Variants in RAPGEF4 observed in about 807,000 individuals in gnomAD.
The protein encoded by RAPGEF4 is Rap guanine nucleotide exchange factor 4.
Under a neutral mutation model 147.9 loss-of-function variants are expected in RAPGEF4, and 66 were observed. The observed-to-expected ratio is 0.45, with a 90% CI of 0.37 to 0.55. The LOEUF is 0.55. RAPGEF4 is among the 20% of genes least tolerant of loss of function. RAPGEF4 has a pLI of 0.00. For synonymous variants in RAPGEF4, 419 were observed against 442.7 expected (o/e 0.95, Z 0.67); for missense variants, 1,071 against 1,257.3 (o/e 0.85, Z 2.24).
intron 18 of RAPGEF4, 110 bp downstream of exon 18, chr2:173,014,724 T>G (rs1353769016): frequency 1.9e-6 from 2 of 1,026,306 alleles, no homozygotes; most frequent in Non-Finnish European, 2.7e-6. Flanking sequence ...ATGCTAGACT[T>G]TGTGAACACA....
At chr2:172,917,693 G>A (rs1559118656) in intron 4 of RAPGEF4, 109 bp from the exon 5 acceptor site, 3 of 902,932 alleles carry the variant, frequency 3.3e-6, no homozygotes, top group Admixed American at 1.9e-5. Flanking sequence ...ATAAATACAA[G>A]GCTCAGATGC....
intron 1 of RAPGEF4, among the ~76,000 whole-genome samples, chr2:172,747,222 G>T (rs1694860117): frequency 6.6e-6 from 1 of 152,152 alleles, no homozygotes; most frequent in African/African-American, 2.4e-5. Context: ...CAATTGACAA[G>T]TAAAAATTGT....
rs369838179 is a variant in RAPGEF4 at position 172,961,179 on chromosome 2, C to G, written c.649C>G (p.Arg217Gly). Residue 217 changes from arginine to glycine, a missense_variant, in exon 8 of 31, where the codon CGA becomes GGA. Coordinates refer to ENST00000397081, the MANE Select transcript of RAPGEF4 (RefSeq NM_007023.4). ...AATTTTACGAAATGCCATTCTCTCTCGAGCACCTCACATGATAAGAGATAG... is the reference window on the plus strand; with the variant it reads ...AATTTTACGAAATGCCATTCTCTCTGGAGCACCTCACATGATAAGAGATAG... ...GKILRNAILS[R>G]APHMIRDRKY... 1.2e-6 allele frequency: 2 copies of G among 1,612,916 alleles called. No individual in the cohort carries two copies. The highest frequency in any genetic ancestry group is 1.3e-5 in the African/African-American group (1 of 74,908).
intron 23 of RAPGEF4, among the ~76,000 whole-genome samples, 200 bp from the exon 24 acceptor site, chr2:173,026,372 T>C (rs1696664715): frequency 6.6e-6 from 1 of 152,156 alleles, no homozygotes; most frequent in South Asian, 2.1e-4. Context: ...GTGGAATTGA[T>C]GGTAATGATG....
Position 172,823,361 on chromosome 2 carries a change from C to G in RAPGEF4, c.444+8936C>G, listed in dbSNP as rs568320041. ...CCCCTGGGCAGGCATGGTGAGAACT[C>G]AGCCTGTCATGTGTTGTGATTCCAA... On this transcript the variant is annotated intron_variant, in intron 4 of 30. Coordinates refer to ENST00000397081, the MANE Select transcript of RAPGEF4 (RefSeq NM_007023.4). 3.3e-5 allele frequency among the ~76,000 whole-genome samples: 5 copies of G among 152,276 alleles called. No individual in the cohort carries two copies. In the East Asian group the frequency reaches 9.6e-4, roughly 29 times the overall value.
chr2:172,815,704 T>A (rs756831749), intron 4 of RAPGEF4, among the ~76,000 whole-genome samples: 1 of 152,238 alleles, frequency 6.6e-6, no homozygotes, highest in Non-Finnish European at 1.5e-5. Flanking sequence ...CTAACTGTGA[T>A]GTGTGTCATT....
At chr2:172,951,082 G>T (rs1199030102) in intron 6 of RAPGEF4, among the ~76,000 whole-genome samples, 1 of 152,180 alleles carries the variant, frequency 6.6e-6, no homozygotes, top group Non-Finnish European at 1.5e-5. Context: ...ATTAAAATTT[G>T]CAAAGCACTG....
chr2:172,849,443 G>C (rs1263799388), intron 4 of RAPGEF4, among the ~76,000 whole-genome samples: 1 of 152,160 alleles, frequency 6.6e-6, no homozygotes, highest in Non-Finnish European at 1.5e-5. Flanking sequence ...TTTTCTCAGG[G>C]ATTGTTTGTA....
intron 15 of RAPGEF4, among the ~76,000 whole-genome samples, chr2:172,993,573 T>C (rs1478768979): frequency 2.0e-5 from 3 of 151,904 alleles, no homozygotes; most frequent in Non-Finnish European, 4.4e-5. Flanking sequence ...CGCTCTTTCA[T>C]GAAATAAACT....
chr2:172,757,756 G>A (rs987207412), intron 1 of RAPGEF4, among the ~76,000 whole-genome samples: 4 of 152,172 alleles, frequency 2.6e-5, no homozygotes, highest in Non-Finnish European at 4.4e-5. Context: ...TCACTCCAGT[G>A]ATTGTTTTAA....
chr2:173,027,762 T>C (rs181675923), intron 25 of RAPGEF4, among the ~76,000 whole-genome samples: 2 of 152,304 alleles, frequency 1.3e-5, no homozygotes, highest in East Asian at 3.9e-4. Flanking sequence ...AAAAGAAGCA[T>C]CTATCTTATA....
intron 4 of RAPGEF4, among the ~76,000 whole-genome samples, chr2:172,913,460 C>T (rs766010755): frequency 8.5e-5 from 13 of 152,258 alleles, no homozygotes; most frequent in South Asian, 4.1e-4. Context: ...GCCTCATCTG[C>T]GAATACTTGA....
chr2:172,845,022 G>A (rs544117949), intron 4 of RAPGEF4, among the ~76,000 whole-genome samples: 1 of 152,296 alleles, frequency 6.6e-6, no homozygotes, highest in Admixed American at 6.5e-5. Flanking sequence ...TGGGAAGAAG[G>A]AAAGAGAATT....
chr2:173,001,257 C>G lies in RAPGEF4; in HGVS notation c.1580-9C>G, dbSNP rs1559175537. ...CCTAATTTCCTTTTCTGTTTTTTTC[C>G]CCTTCCAGATTCTGTTTTAAATGAC... On this transcript the variant is annotated splice_polypyrimidine_tract_variant and intron_variant, in intron 16 of 30. Coordinates refer to ENST00000397081, the MANE Select transcript of RAPGEF4 (RefSeq NM_007023.4). The G allele has an allele frequency of 4.3e-6, 7 of 1,611,736 alleles. No homozygotes were observed. The highest frequency in any genetic ancestry group is 5.9e-6 in the Non-Finnish European group (7 of 1,179,256).
At chr2:172,883,859 C>T (rs1052661952) in intron 4 of RAPGEF4, among the ~76,000 whole-genome samples, 2 of 152,176 alleles carry the variant, frequency 1.3e-5, no homozygotes, top group East Asian at 3.9e-4. Context: ...TGGAAGAAGG[C>T]AAGAGCATTG....
intron 1 of RAPGEF4, among the ~76,000 whole-genome samples, chr2:172,765,854 G>T (rs747585791): frequency 9.9e-5 from 15 of 152,226 alleles, no homozygotes; most frequent in Non-Finnish European, 2.2e-4. Flanking sequence ...TGTGTGCAGA[G>T]AATCTGCATA....
At chr2:172,867,389 G>A (rs1329279465) in intron 4 of RAPGEF4, among the ~76,000 whole-genome samples, 6 of 152,088 alleles carry the variant, frequency 3.9e-5, no homozygotes, top group African/African-American at 9.7e-5. Context: ...CTGTCCTTGG[G>A]GTAACTGAAT....
chr2:172,843,112 G>A (rs1336233733), intron 4 of RAPGEF4, among the ~76,000 whole-genome samples: 1 of 152,172 alleles, frequency 6.6e-6, no homozygotes, highest in African/African-American at 2.4e-5. Flanking sequence ...GTTGGAGGTG[G>A]TGTCATTAAC....
intron 1 of RAPGEF4, among the ~76,000 whole-genome samples, chr2:172,767,744 C>A (rs1485410229): frequency 6.6e-6 from 1 of 152,212 alleles, no homozygotes; most frequent in African/African-American, 2.4e-5. Flanking sequence ...AAATAACTGT[C>A]TGTGAAATGG....
Sources: gnomAD v4.1 joint callset for allele counts (sites outside exome capture counted in the v4.1 genomes callset) on GRCh38, gnomAD v4.1.1 for gene constraint, MANE v1.5 for transcripts, NCBI Gene and HGNC (gene_info 2026-07-23, HGNC 2026-07-21) for gene names.